THSD7A: variants seen among roughly 807,000 people sequenced by gnomAD.
THSD7A encodes thrombospondin type-1 domain-containing protein 7A.
THSD7A carries 96 observed loss-of-function variants against 231.3 expected under a neutral mutation model. That is an observed-to-expected ratio of 0.41 (90% confidence interval 0.35 to 0.49). The LOEUF is 0.49. Among genes scored for constraint, THSD7A ranks in the 20% least tolerant of loss-of-function variants. The pLI is 0.05. For synonymous variants in THSD7A, 940 were observed against 743.3 expected (o/e 1.26, Z -4.30); for missense variants, 2,290 against 2,070.2 (o/e 1.11, Z -2.06).
At chr7:11,616,120 A>C (rs894640387) in intron 2 of THSD7A, among the ~76,000 whole-genome samples, 16 of 152,120 alleles carry the variant, frequency 1.1e-4, no homozygotes, top group African/African-American at 3.9e-4. Flanking sequence ...TATATACTAA[A>C]GTTTTAAATA....
chr7:11,476,337 A>G (rs942674676), intron 7 of THSD7A, among the ~76,000 whole-genome samples: 2 of 151,024 alleles, frequency 1.3e-5, no homozygotes, highest in African/African-American at 4.9e-5. Flanking sequence ...ACACACACAC[A>G]CACACACACA....
intron 6 of THSD7A, among the ~76,000 whole-genome samples, chr7:11,535,517 A>C (rs1298708783): frequency 6.6e-6 from 1 of 151,732 alleles, no homozygotes; most frequent in Non-Finnish European, 1.5e-5. Flanking sequence ...TACAGGAAAC[A>C]AACTCCTACC....
At chr7:11,580,570 A>G (rs1024952823) in intron 4 of THSD7A, among the ~76,000 whole-genome samples, 1 of 152,186 alleles carries the variant, frequency 6.6e-6, no homozygotes, top group East Asian at 1.9e-4. Context: ...GAATGAAATC[A>G]TATCCTTTGC....
chr7:11,774,932 G>GT (rs1783353369), intron 1 of THSD7A, among the ~76,000 whole-genome samples: 1 of 152,124 alleles, frequency 6.6e-6, no homozygotes, highest in Admixed American at 6.6e-5. Flanking sequence ...GCATGTGCCT[G>GT]TAATTCCAGC....
intron 23 of THSD7A, among the ~76,000 whole-genome samples, chr7:11,392,128 C>T (rs1225519590): frequency 6.6e-6 from 1 of 152,078 alleles, no homozygotes; most frequent in Non-Finnish European, 1.5e-5. Flanking sequence ...GGAACAGTGC[C>T]AGCCTGCAGC....
intron 11 of THSD7A, among the ~76,000 whole-genome samples, chr7:11,450,533 C>T (rs2128295494): frequency 6.6e-6 from 1 of 152,084 alleles, no homozygotes; most frequent in East Asian, 1.9e-4. Context: ...ACAATTCAAA[C>T]ACAGAAATAC....
intron 1 of THSD7A, among the ~76,000 whole-genome samples, chr7:11,724,798 T>C (rs958763656): frequency 4.6e-5 from 7 of 151,856 alleles, no homozygotes; most frequent in African/African-American, 1.7e-4. Flanking sequence ...AGGAGAAACA[T>C]ATGTATAAGT....
intron 1 of THSD7A, among the ~76,000 whole-genome samples, chr7:11,653,433 G>C (rs139787151): frequency 6.8e-6 from 1 of 147,422 alleles, no homozygotes; most frequent in African/African-American, 2.5e-5. Context: ...GGAACACCGA[G>C]ATCCACTCCC....
intron 1 of THSD7A, among the ~76,000 whole-genome samples, chr7:11,747,004 A>G (rs954313319): frequency 6.6e-6 from 1 of 151,930 alleles, no homozygotes; most frequent in Non-Finnish European, 1.5e-5. Context: ...TTACAAAGTA[A>G]TATGGAATAA....
chr7:11,778,388 C>G (rs2128173760), intron 1 of THSD7A, among the ~76,000 whole-genome samples: 1 of 151,970 alleles, frequency 6.6e-6, no homozygotes, highest in Admixed American at 6.6e-5. Context: ...TATGATTAAC[C>G]AAGTCATTAT....
intron 23 of THSD7A, among the ~76,000 whole-genome samples, chr7:11,397,001 C>A (rs1426443773): frequency 6.6e-6 from 1 of 152,148 alleles, no homozygotes; most frequent in Non-Finnish European, 1.5e-5. Context: ...AAACGTAATC[C>A]ATCACATAAA....
rs191899101 is a variant in THSD7A, at chr7:11,678,343, T to G, written c.191-41382A>C. ...AGCAGAAGACAAGAAATAACTAAGA[T>G]CAGAGCAGAACTGAAGGAGATAGAG... On this transcript the variant is annotated intron_variant, in intron 1 of 27. Coordinates refer to ENST00000423059, the MANE Select transcript of THSD7A (RefSeq NM_015204.3). Among the ~76,000 whole-genome samples, 3 of 151,598 alleles carry G rather than the reference T, an allele frequency of 2.0e-5. No individual in the cohort carries two copies. The East Asian group carries it at 5.8e-4, about 29-fold the overall frequency.
At chr7:11,522,473 G>A (rs1303034775) in intron 6 of THSD7A, among the ~76,000 whole-genome samples, 1 of 152,080 alleles carries the variant, frequency 6.6e-6, no homozygotes, top group East Asian at 1.9e-4. Flanking sequence ...CTGTTTTTAA[G>A]TACTTTGCTT....
chr7:11,621,060 A>C (rs1781291291), intron 2 of THSD7A, among the ~76,000 whole-genome samples: 1 of 152,212 alleles, frequency 6.6e-6, no homozygotes, highest in Non-Finnish European at 1.5e-5. Context: ...GAAACCTCAC[A>C]ACTCACATTA....
intron 7 of THSD7A, among the ~76,000 whole-genome samples, chr7:11,477,879 C>T (rs1786258675): frequency 6.6e-6 from 1 of 152,148 alleles, no homozygotes; most frequent in Admixed American, 6.5e-5. Context: ...TAATATATGT[C>T]TATATGTATA....
intron 4 of THSD7A, among the ~76,000 whole-genome samples, chr7:11,546,202 G>GCGCACACACACA (rs761841418): frequency 4.6e-5 from 6 of 129,374 alleles, no homozygotes; most frequent in Non-Finnish European, 6.7e-5. Context: ...GTGGGCGCGC[G>GCGCACACACACA]CTCACACACA....
rs117999319 is a variant in THSD7A, at chr7:11,371,743, C to A, written c.*4051G>T. 1 of 101,856 alleles carries A rather than the reference C, an allele frequency of 9.8e-6. No individual in the cohort carries two copies. The highest frequency in any genetic ancestry group is 3.8e-5 in the African/African-American group (1 of 26,514). 6.3% of individuals were successfully genotyped at this position (101,856 alleles called of 1,614,324 possible). A position where few individuals can be genotyped will look rare whatever the true frequency, so the allele number is the denominator to read the frequency against. The stretch of plus-strand genomic sequence containing the variant: ...GCATGGACATTTTTACAGAAAAGGG[C>A]TTTTTTTTTTTTTTTTTTCCTGCAT... On this transcript the variant is annotated 3_prime_UTR_variant, in exon 28 of 28. Coordinates refer to ENST00000423059, the MANE Select transcript of THSD7A (RefSeq NM_015204.3).
rs868321702 is a variant in THSD7A, at chr7:11,739,853, C to T, written c.190+91904G>A. On this transcript the variant is annotated intron_variant, in intron 1 of 27. Transcript: ENST00000423059. ...ATGTGCTTCTCTTGTATCAGAAGTG[C>T]AATGCCAAGGATGCAGGAATAAGGG... Among the ~76,000 whole-genome samples the T allele has an allele frequency of 4.6e-5, 7 of 151,966 alleles. No individual in the cohort carries two copies. In the Middle Eastern group the frequency reaches 0.01, roughly 222 times the overall value.
intron 1 of THSD7A, among the ~76,000 whole-genome samples, chr7:11,698,146 G>A (rs1050534041): frequency 1.7e-4 from 25 of 151,446 alleles, no homozygotes; most frequent in African/African-American, 6.0e-4. Context: ...ATGTATGTAT[G>A]TATCTAAATA....
Sources: gnomAD v4.1 joint callset for allele counts (sites outside exome capture counted in the v4.1 genomes callset) on GRCh38, gnomAD v4.1.1 for gene constraint, MANE v1.5 for transcripts, NCBI Gene and HGNC (gene_info 2026-07-23, HGNC 2026-07-21) for gene names.